The following CREB5 variants were observed in gnomAD, a reference collection of about 807,000 sequenced individuals.
CREB5 encodes the protein cAMP responsive element binding protein 5.
A neutral mutation model predicts 57.1 loss-of-function variants in CREB5; 19 were observed. The ratio of observed to expected loss-of-function variants is 0.33; its 90% CI spans 0.23 to 0.49. The LOEUF (loss-of-function observed/expected upper bound fraction) is 0.49. Among genes scored for constraint, CREB5 ranks in the 20% least tolerant of loss-of-function variants. CREB5 has a pLI of 0.99. For synonymous variants in CREB5, 238 were observed against 238.3 expected, an observed-to-expected ratio of 1.00 and a Z score of 0.01; for missense variants, 579 against 671.6, an observed-to-expected ratio of 0.86 and a Z score of 1.52.
chr7:28,586,718 A>C (rs1796319730), intron 5 of CREB5, among the ~76,000 whole-genome samples: 1 of 152,216 alleles, frequency 6.6e-6, no homozygotes, highest in Non-Finnish European at 1.5e-5. Flanking sequence ...AATACAAAAC[A>C]AGTTCTAATT....
intron 5 of CREB5, among the ~76,000 whole-genome samples, chr7:28,619,941 A>C (rs186804968): frequency 6.6e-6 from 1 of 152,330 alleles, no homozygotes; most frequent in African/African-American, 2.4e-5. Context: ...ATTTTCTGTT[A>C]TAAAAAATAT....
chr7:28,307,728 T>A (rs892200788), intron 1 of CREB5, among the ~76,000 whole-genome samples: 1 of 152,236 alleles, frequency 6.6e-6, no homozygotes, highest in Non-Finnish European at 1.5e-5. Flanking sequence ...CTGAGCACAA[T>A]GTGCCTGGCA....
chr7:28,388,021 T>C (rs1191934912), intron 1 of CREB5, among the ~76,000 whole-genome samples: 2 of 152,208 alleles, frequency 1.3e-5, no homozygotes, highest in Middle Eastern at 3.2e-3. Flanking sequence ...TATTTCCTCA[T>C]GTACTTTGTA....
intron 1 of CREB5, among the ~76,000 whole-genome samples, chr7:28,454,900 A>C (rs79570323): frequency 2.0e-5 from 3 of 152,140 alleles, no homozygotes; most frequent in African/African-American, 7.2e-5. Context: ...CCGCTTCCAC[A>C]TGGATGCTGA....
intron 1 of CREB5, among the ~76,000 whole-genome samples, chr7:28,416,504 A>G (rs908082309): frequency 6.6e-6 from 1 of 152,216 alleles, no homozygotes; most frequent in African/African-American, 2.4e-5. Flanking sequence ...TAATTCATGC[A>G]TCAGACAGTA....
intron 7 of CREB5, among the ~76,000 whole-genome samples, chr7:28,798,068 A>G (rs2128795990): frequency 6.6e-6 from 1 of 152,314 alleles, no homozygotes; most frequent in South Asian, 2.1e-4. Flanking sequence ...TTGTATGTAG[A>G]GAGCCTCTTA....
chr7:28,808,040 T>C (rs1040496202), intron 8 of CREB5, among the ~76,000 whole-genome samples: 5 of 152,242 alleles, frequency 3.3e-5, no homozygotes, highest in African/African-American at 1.2e-4. Context: ...TAAAGTGCTT[T>C]GCCACTCAGG....
chr7:28,476,325 T>C (rs1266609403), intron 1 of CREB5, among the ~76,000 whole-genome samples: 1 of 152,222 alleles, frequency 6.6e-6, no homozygotes, highest in Non-Finnish European at 1.5e-5. Context: ...TCTCGACATA[T>C]GCCACCAAAT....
intron 5 of CREB5, among the ~76,000 whole-genome samples, chr7:28,648,744 GA>G (rs949485612): frequency 1.3e-5 from 2 of 149,006 alleles, no homozygotes; most frequent in African/African-American, 4.9e-5. Context: ...CCTGTCTAAA[GA>G]AAAAAAAATG....
chr7:28,540,725 AG>A, intron 4 of CREB5, among the ~76,000 whole-genome samples: 1 of 152,304 alleles, frequency 6.6e-6, no homozygotes, highest in South Asian at 2.1e-4. Flanking sequence ...GGGTTGGATT[AG>A]GTGTTGATGG....
chr7:28,742,627 C>A (rs868510122), intron 7 of CREB5, among the ~76,000 whole-genome samples: 5 of 152,136 alleles, frequency 3.3e-5, no homozygotes, highest in Non-Finnish European at 5.9e-5. Flanking sequence ...TCCTCCTCAT[C>A]ATTACTAACA....
rs1174704522 is a variant in CREB5, at chr7:28,560,911, T to TGCGCGTGTGC, written c.292-9453_292-9452insCGCGTGTGCG. On this transcript the variant is annotated intron_variant, in intron 4 of 10. Coordinates refer to ENST00000357727, the MANE Select transcript of CREB5 (RefSeq NM_182898.4). ...GCGTGTGTGTGCGTGCGCGCGTGCG[T>TGCGCGTGTGC]GTGCGTGTGTGCGCGTGCGTGTGTG... Among the ~76,000 whole-genome samples the TGCGCGTGTGC allele has an allele frequency of 2.0e-3, 72 of 36,062 alleles. 2 individuals are homozygous for TGCGCGTGTGC. Among genetic ancestry groups the TGCGCGTGTGC allele is most frequent in the African/African-American group, 0.011 (71 of 6,516 alleles). The allele number at this position is 36,062 out of a possible 152,430, so 23.7% of individuals were successfully genotyped here.
At chr7:28,517,508 A>T (rs1470432024) in intron 4 of CREB5, among the ~76,000 whole-genome samples, 1 of 152,142 alleles carries the variant, frequency 6.6e-6, no homozygotes, top group Non-Finnish European at 1.5e-5. Context: ...CTTGTTCTTC[A>T]CCCAAGTCCC....
chr7:28,763,457 G>A (rs1404762554), intron 7 of CREB5, among the ~76,000 whole-genome samples: 1 of 152,164 alleles, frequency 6.6e-6, no homozygotes, highest in Non-Finnish European at 1.5e-5. Context: ...TGGGCTTGTT[G>A]CTTTAATACT....
At chr7:28,484,207 C>T (rs979611583) in intron 1 of CREB5, among the ~76,000 whole-genome samples, 2 of 152,108 alleles carry the variant, frequency 1.3e-5, no homozygotes, top group Non-Finnish European at 2.9e-5. Context: ...TAATTTGCCC[C>T]CACCTGATGA....
At position 28,817,412 on chromosome 7, in the gene CREB5, A is replaced by G. The variant is rs1809500830; in HGVS notation, c.1255-659A>G. On this transcript the variant is annotated intron_variant, in intron 9 of 10. Coordinates refer to ENST00000357727, the MANE Select transcript of CREB5 (RefSeq NM_182898.4). ...AGCAGGGATTCATGACTGAAGGTCA[A>G]TTTATTTTCAGATATTCTTTTTAGA... Among the ~76,000 whole-genome samples the G allele has an allele frequency of 2.0e-5, 3 of 152,184 alleles. 1 individual carries two copies. Among genetic ancestry groups the G allele is most frequent in the African/African-American group, 2.4e-5 (1 of 41,458 alleles).
chr7:28,697,586 T>C (rs2128734906), intron 5 of CREB5, among the ~76,000 whole-genome samples: 1 of 151,806 alleles, frequency 6.6e-6, no homozygotes, highest in African/African-American at 2.4e-5. Context: ...AGTTCTGGCC[T>C]TCAATGATTA....
chr7:28,758,925 C>T (rs1036894080), intron 7 of CREB5, among the ~76,000 whole-genome samples: 6 of 152,158 alleles, frequency 3.9e-5, no homozygotes, highest in African/African-American at 1.4e-4. Context: ...AGTAATTCCA[C>T]TGAGGGAATA....
chr7:28,374,449 A>T (rs1786781664), intron 1 of CREB5, among the ~76,000 whole-genome samples: 1 of 152,252 alleles, frequency 6.6e-6, no homozygotes, highest in Non-Finnish European at 1.5e-5. Flanking sequence ...ACATTTATTA[A>T]CAAGTAAGTG....
Sources: gnomAD v4.1 joint callset for allele counts (sites outside exome capture counted in the v4.1 genomes callset) on GRCh38, gnomAD v4.1.1 for gene constraint, MANE v1.5 for transcripts, NCBI Gene and HGNC (gene_info 2026-07-23, HGNC 2026-07-21) for gene names.